Variants in FSIP1 observed in about 807,000 individuals in gnomAD.
FSIP1 encodes fibrous sheath interacting protein 1.
In FSIP1, 65 loss-of-function variants were observed where a neutral mutation model predicts 60.9. The ratio of observed to expected loss-of-function variants is 1.07; its 90% CI spans 0.87 to 1.31. The LOEUF is 1.31. FSIP1 is among the 40% of genes most tolerant of loss of function. The pLI is 0.00. For missense variants in FSIP1, 675 were observed against 665.5 expected (o/e 1.01, Z -0.16); for synonymous variants, 209 against 221.2 (o/e 0.94, Z 0.49).
chr15:39,706,918 T>C (rs1895295969), intron 10 of FSIP1, among the ~76,000 whole-genome samples: 1 of 152,232 alleles, frequency 6.6e-6, no homozygotes, highest in Non-Finnish European at 1.5e-5. Context: ...CATAGACCTA[T>C]CTCATTCTTT....
Position 39,739,726 on chromosome 15 carries a change from T to G in FSIP1, c.719A>C (p.Asn240Thr). 6.2e-7 allele frequency: 1 copy of G among 1,600,490 alleles called. No individual in the cohort carries two copies. The highest frequency in any genetic ancestry group is 1.3e-5 in the African/African-American group (1 of 74,394). ...ACCCCTGAGCTCAATCTTTTCTGTA[T>G]TCGAGAAAGGTTTCTTTCCTGATTT... ...LIKSGKKPFS[N>T]TEKIELRGKH... The change falls in exon 7 of 12, where the codon AAT becomes ACT. Residue 240 changes from asparagine to threonine, a missense_variant. Transcript: ENST00000350221.
chr15:39,772,558 G>A (rs1054248462), intron 2 of FSIP1, among the ~76,000 whole-genome samples: 4 of 151,686 alleles, frequency 2.6e-5, no homozygotes, highest in Admixed American at 6.6e-5. Context: ...GCCTCCCAAA[G>A]TGCTGAGATT....
chr15:39,648,180 G>GA (rs1275912308), intron 10 of FSIP1, among the ~76,000 whole-genome samples: 1 of 42,070 alleles, frequency 2.4e-5, no homozygotes, highest in Non-Finnish European at 5.4e-5. Flanking sequence ...AAAAAAAAAA[G>GA]AAAAAAAAAG....
chr15:39,620,600 T>C (rs1404021625), intron 10 of FSIP1, among the ~76,000 whole-genome samples: 1 of 147,524 alleles, frequency 6.8e-6, no homozygotes, highest in Non-Finnish European at 1.5e-5. Flanking sequence ...AAATGTATTC[T>C]TTTTTTTTTG....
chr15:39,724,017 T>C (rs1283295696), intron 9 of FSIP1, among the ~76,000 whole-genome samples: 7 of 152,260 alleles, frequency 4.6e-5, no homozygotes, highest in African/African-American at 1.7e-4. Context: ...ATTATTTCTT[T>C]TTAACAACTA....
intron 1 of FSIP1, among the ~76,000 whole-genome samples, chr15:39,780,322 A>C (rs569603321): frequency 6.6e-6 from 1 of 152,144 alleles, no homozygotes. Context: ...AGGAGGATCA[A>C]GAACACCCTG....
At chr15:39,610,238 A>T (rs1329465965) in intron 11 of FSIP1, among the ~76,000 whole-genome samples, 2 of 152,194 alleles carry the variant, frequency 1.3e-5, no homozygotes, top group African/African-American at 4.8e-5. Flanking sequence ...ATAAAGAAAA[A>T]GGCCCAGAAA....
At chr15:39,770,694 A>C in intron 2 of FSIP1, 84 bp from the exon 3 acceptor site, 1 of 743,074 alleles carries the variant, frequency 1.3e-6, no homozygotes, top group Non-Finnish European at 2.0e-6. Flanking sequence ...TTTGACACTA[A>C]TGGAAGCAGA....
chr15:39,618,348 A>T, intron 10 of FSIP1, 103 bp from the exon 11 acceptor site: 1 of 824,390 alleles, frequency 1.2e-6, no homozygotes, highest in Non-Finnish European at 1.9e-6. Context: ...GTAACCCCTT[A>T]CACAACACAT....
At chr15:39,623,323 AG>A (rs148784333) in intron 10 of FSIP1, among the ~76,000 whole-genome samples, 1 of 152,336 alleles carries the variant, frequency 6.6e-6, no homozygotes, top group East Asian at 1.9e-4. Context: ...ATAAACCAGC[AG>A]AAGCAATCTT....
rs1896213707 is a variant in FSIP1, at chr15:39,726,746, C to A, written c.893G>T (p.Gly298Val). ...TGGGACCACCCAGCCAGACTGATCA[C>A]CCTAAGAGGAAACAAGGGTCACCAG... ...EKDSGLSSSE[G>V]DQSGWVVPVK... Residue 298 changes from glycine to valine, a missense_variant and splice_region_variant, in exon 9 of 12, where the codon GGT becomes GTT. Gly to Val is a moderately radical substitution (Grantham distance 109, BLOSUM62 -3). Coordinates refer to ENST00000350221, the MANE Select transcript of FSIP1 (RefSeq NM_152597.5). The A allele has an allele frequency of 1.2e-6, 2 of 1,612,778 alleles. No individual in the cohort carries two copies. Among genetic ancestry groups the A allele is most frequent in the Non-Finnish European group, 1.7e-6 (2 of 1,179,414 alleles).
intron 5 of FSIP1, among the ~76,000 whole-genome samples, chr15:39,761,299 T>C (rs1003756256): frequency 6.6e-6 from 1 of 152,208 alleles, no homozygotes; most frequent in Admixed American, 6.5e-5. Flanking sequence ...CTACTCACAA[T>C]AGCCAAGTTA....
chr15:39,742,647 C>T (rs553916877), intron 5 of FSIP1, among the ~76,000 whole-genome samples: 1 of 152,156 alleles, frequency 6.6e-6, no homozygotes, highest in Admixed American at 6.6e-5. Context: ...ACAGGATCCA[C>T]CACCTCTCCC....
intron 10 of FSIP1, among the ~76,000 whole-genome samples, chr15:39,625,223 C>T (rs749936487): frequency 5.3e-5 from 8 of 152,138 alleles, no homozygotes; most frequent in African/African-American, 7.2e-5. Context: ...CCCAGGTGCC[C>T]GGGCTGGCTC....
intron 10 of FSIP1, among the ~76,000 whole-genome samples, chr15:39,655,342 G>A (rs1218114204): frequency 6.6e-6 from 1 of 152,122 alleles, no homozygotes; most frequent in Non-Finnish European, 1.5e-5. Flanking sequence ...GCTTTTATGT[G>A]CAAATGTACT....
chr15:39,604,455 T>C (rs1268123276), intron 11 of FSIP1, among the ~76,000 whole-genome samples: 2 of 152,156 alleles, frequency 1.3e-5, no homozygotes, highest in Non-Finnish European at 2.9e-5. Context: ...GCTAAAATGA[T>C]AGAGAAAATG....
chr15:39,666,856 A>G (rs1016003513), intron 10 of FSIP1, among the ~76,000 whole-genome samples: 2 of 152,226 alleles, frequency 1.3e-5, no homozygotes, highest in Non-Finnish European at 2.9e-5. Context: ...TGAGTTTCCT[A>G]TAAAAATAGA....
intron 10 of FSIP1, among the ~76,000 whole-genome samples, chr15:39,670,459 G>A (rs902044354): frequency 6.7e-6 from 1 of 150,030 alleles, no homozygotes; most frequent in African/African-American, 2.5e-5. Flanking sequence ...AAAGATTCAT[G>A]ATTATTTTCT....
At chr15:39,687,758 C>A (rs1321173588) in intron 10 of FSIP1, among the ~76,000 whole-genome samples, 1 of 152,174 alleles carries the variant, frequency 6.6e-6, no homozygotes, top group African/African-American at 2.4e-5. Flanking sequence ...TGAATGTATC[C>A]TCTTGCCTTG....
Sources: gnomAD v4.1 joint callset for allele counts (sites outside exome capture counted in the v4.1 genomes callset) on GRCh38, gnomAD v4.1.1 for gene constraint, MANE v1.5 for transcripts, NCBI Gene and HGNC (gene_info 2026-07-23, HGNC 2026-07-21) for gene names.